GRB2: variants seen among roughly 807,000 people sequenced by gnomAD.
The protein encoded by GRB2 is growth factor receptor-bound protein 2.
Under a neutral mutation model 27.4 loss-of-function variants are expected in GRB2, and 2 were observed. That is an observed-to-expected ratio of 0.07 (90% CI 0.03 to 0.23). The LOEUF (loss-of-function observed/expected upper bound fraction) is 0.23. GRB2 is among the 10% of genes least tolerant of loss of function. The pLI, the probability that GRB2 is intolerant of heterozygous loss-of-function variation, is 1.00. For missense variants in GRB2, 102 were observed against 282.4 expected (o/e 0.36, Z 4.58); for synonymous variants, 94 against 99.6 (o/e 0.94, Z 0.33).
At chr17:75,377,146 AT>A (rs1163981492) in intron 2 of GRB2, among the ~76,000 whole-genome samples, 2 of 151,904 alleles carry the variant, frequency 1.3e-5, no homozygotes, top group African/African-American at 2.4e-5. Flanking sequence ...CAAAAAAAAA[AT>A]ATTAAAAGTT....
intron 1 of GRB2, among the ~76,000 whole-genome samples, chr17:75,397,211 C>CTAA (rs1308205951): frequency 6.6e-6 from 1 of 152,028 alleles, no homozygotes; most frequent in African/African-American, 2.4e-5. Flanking sequence ...AGCATATTCG[C>CTAA]TAAAGGAATT....
chr17:75,341,915 T>C (rs766975466), intron 2 of GRB2, among the ~76,000 whole-genome samples: 1 of 152,196 alleles, frequency 6.6e-6, no homozygotes, highest in Non-Finnish European at 1.5e-5. Flanking sequence ...AAATATAGTC[T>C]GGCATTCCAG....
chr17:75,399,218 T>TTGTG (rs140196630), intron 1 of GRB2, among the ~76,000 whole-genome samples: 4 of 149,690 alleles, frequency 2.7e-5, no homozygotes, highest in Admixed American at 6.7e-5. Context: ...TGGCTAATTT[T>TTGTG]TGTGTGTGTG....
intron 3 of GRB2, among the ~76,000 whole-genome samples, chr17:75,329,024 G>A (rs1345225742): frequency 1.3e-5 from 2 of 152,008 alleles, no homozygotes; most frequent in African/African-American, 2.4e-5. Flanking sequence ...CCCAATCAAC[G>A]GTATTTAAAC....
chr17:75,323,097 C>A, intron 4 of GRB2, among the ~76,000 whole-genome samples: 1 of 140,024 alleles, frequency 7.1e-6, no homozygotes, highest in African/African-American at 2.7e-5. Flanking sequence ...CCAGCCTGTG[C>A]GACAGAGTGA....
intron 2 of GRB2, among the ~76,000 whole-genome samples, chr17:75,342,892 T>C (rs1220797649): frequency 1.3e-5 from 2 of 151,648 alleles, no homozygotes; most frequent in Non-Finnish European, 2.9e-5. Flanking sequence ...CTACAAAATA[T>C]TCAACAATTA....
intron 1 of GRB2, among the ~76,000 whole-genome samples, chr17:75,404,560 G>C (rs535897594): frequency 8.3e-4 from 126 of 151,146 alleles, no homozygotes; most frequent in Middle Eastern, 3.4e-3. Context: ...GGTGGGGGGA[G>C]GAAGGGGCAA....
At chr17:75,366,804 C>T (rs761104988) in intron 2 of GRB2, among the ~76,000 whole-genome samples, 8 of 151,724 alleles carry the variant, frequency 5.3e-5, no homozygotes, top group African/African-American at 7.3e-5. Context: ...AGAGTGAGAC[C>T]CTGGCTCAAA....
chr17:75,385,592 G>A (rs140757735), intron 2 of GRB2, among the ~76,000 whole-genome samples: 3 of 152,172 alleles, frequency 2.0e-5, no homozygotes, highest in Non-Finnish European at 2.9e-5. Context: ...CATAAAATCA[G>A]GACTAAACCA....
chr17:75,388,871 A>T (rs1053759132), intron 2 of GRB2, among the ~76,000 whole-genome samples: 5 of 152,186 alleles, frequency 3.3e-5, no homozygotes, highest in African/African-American at 1.2e-4. Flanking sequence ...TCCATTGAGG[A>T]TCATAATCAA....
At chr17:75,379,658 C>T (rs536568951) in intron 2 of GRB2, among the ~76,000 whole-genome samples, 1 of 152,076 alleles carries the variant, frequency 6.6e-6, no homozygotes, top group South Asian at 2.1e-4. Context: ...CTTCAGCCTC[C>T]CAAAGTGCTA....
chr17:75,397,891 G>A (rs929543760), intron 1 of GRB2, among the ~76,000 whole-genome samples: 6 of 151,470 alleles, frequency 4.0e-5, no homozygotes, highest in Non-Finnish European at 7.4e-5. Context: ...GCCCAGGCTG[G>A]ACTGCAGTGT....
intron 2 of GRB2, among the ~76,000 whole-genome samples, chr17:75,355,888 T>G (rs894365541): frequency 6.7e-6 from 1 of 148,648 alleles, no homozygotes; most frequent in African/African-American, 2.5e-5. Flanking sequence ...TGGAGTACAG[T>G]GGCGTGATCT....
chr17:75,361,867 T>C (rs1021233822), intron 2 of GRB2, among the ~76,000 whole-genome samples: 33 of 151,462 alleles, frequency 2.2e-4, no homozygotes, highest in Non-Finnish European at 2.1e-4. Context: ...GACCAGTCTG[T>C]GTCTTTATTA....
At chr17:75,362,203 G>A (rs1476928643) in intron 2 of GRB2, among the ~76,000 whole-genome samples, 2 of 152,132 alleles carry the variant, frequency 1.3e-5, no homozygotes, top group African/African-American at 4.8e-5. Context: ...TCCTCAAAGG[G>A]GAGAGCCCCA....
At chr17:75,369,058 C>T (rs1300529614) in intron 2 of GRB2, among the ~76,000 whole-genome samples, 2 of 152,172 alleles carry the variant, frequency 1.3e-5, no homozygotes, top group Non-Finnish European at 2.9e-5. Flanking sequence ...ACTTGCCCAA[C>T]ATCATGATCA....
chr17:75,345,129 C>T (rs192888758), intron 2 of GRB2, among the ~76,000 whole-genome samples: 92 of 152,052 alleles, frequency 6.1e-4, no homozygotes, highest in East Asian at 5.8e-3. Flanking sequence ...CTGCAACCTC[C>T]GCTCCTGGGT....
chr17:75,328,302 C>T (rs146132943), intron 3 of GRB2, among the ~76,000 whole-genome samples: 3,268 of 150,450 alleles, frequency 0.022, 56 homozygotes, highest in Middle Eastern at 0.055. Flanking sequence ...CCAGCCTGGG[C>T]GAAAGAGTGA....
intron 2 of GRB2, among the ~76,000 whole-genome samples, chr17:75,375,242 C>A (rs2078884716): frequency 6.6e-6 from 1 of 152,132 alleles, no homozygotes; most frequent in Non-Finnish European, 1.5e-5. Flanking sequence ...TTATGCCAAT[C>A]ATCACATCAC....
Sources: allele counts gnomAD v4.1 joint callset (sites outside exome capture counted in the v4.1 genomes callset), GRCh38; gene constraint gnomAD v4.1.1; transcripts MANE v1.5; gene names NCBI Gene and HGNC (gene_info 2026-07-23, HGNC 2026-07-21).